Variants in SCFD2 observed in about 807,000 individuals in gnomAD.
SCFD2 encodes the protein sec1 family domain containing 2.
In SCFD2, 54 loss-of-function variants were observed where a neutral mutation model predicts 58.9. The observed-to-expected ratio is 0.92, with a 90% CI of 0.74 to 1.15. SCFD2 has a LOEUF of 1.15. Ranked by LOEUF, SCFD2 falls within the 50% of genes most tolerant of loss-of-function variation. The pLI is 0.00. For missense variants in SCFD2, 805 were observed against 836.6 expected, an observed-to-expected ratio of 0.96 and a Z score of 0.47; for synonymous variants, 321 against 335.9, an observed-to-expected ratio of 0.96 and a Z score of 0.49.
At chr4:52,874,220 G>C (rs1291176050) in intron 8 of SCFD2, among the ~76,000 whole-genome samples, 159 bp from the exon 9 acceptor site, 1 of 152,174 alleles carries the variant, frequency 6.6e-6, no homozygotes, top group African/African-American at 2.4e-5. Flanking sequence ...AATGGCACCT[G>C]GCGCTAGTGC....
At chr4:53,049,519 G>A (rs890298581) in intron 5 of SCFD2, among the ~76,000 whole-genome samples, 1 of 152,158 alleles carries the variant, frequency 6.6e-6, no homozygotes, top group African/African-American at 2.4e-5. Context: ...AGCTTACATA[G>A]CCGAAGTAGG....
chr4:53,170,984 T>C (rs1472814861), intron 4 of SCFD2, among the ~76,000 whole-genome samples: 1 of 152,228 alleles, frequency 6.6e-6, no homozygotes, highest in Non-Finnish European at 1.5e-5. Context: ...AGTGACAATT[T>C]CACTTTATTC....
chr4:53,222,231 G>A (rs895052711), intron 4 of SCFD2, among the ~76,000 whole-genome samples: 1 of 152,164 alleles, frequency 6.6e-6, no homozygotes, highest in African/African-American at 2.4e-5. Context: ...AAGCAGCAAT[G>A]ACTCAATGAC....
intron 5 of SCFD2, among the ~76,000 whole-genome samples, chr4:53,009,955 C>G (rs1722059512): frequency 3.3e-5 from 5 of 152,192 alleles, no homozygotes; most frequent in Admixed American, 1.3e-4. Context: ...CCTACCGGAG[C>G]TCTGTGCTCA....
At chr4:53,069,848 T>C (rs1196291792) in intron 5 of SCFD2, among the ~76,000 whole-genome samples, 1 of 152,074 alleles carries the variant, frequency 6.6e-6, no homozygotes, top group East Asian at 1.9e-4. Flanking sequence ...TTTTAAAAAC[T>C]ATATTAGACA....
At chr4:53,156,183 AC>A (rs1397724933) in intron 4 of SCFD2, among the ~76,000 whole-genome samples, 1 of 152,004 alleles carries the variant, frequency 6.6e-6, no homozygotes, top group Non-Finnish European at 1.5e-5. Context: ...GGAGTTCCAG[AC>A]CAGCCTGGCC....
At chr4:53,081,860 C>G (rs1368692259) in intron 5 of SCFD2, among the ~76,000 whole-genome samples, 1 of 152,140 alleles carries the variant, frequency 6.6e-6, no homozygotes, top group Non-Finnish European at 1.5e-5. Context: ...CACTCCAACC[C>G]TCCTCACTCT....
chr4:53,189,281 T>C (rs1213176041), intron 4 of SCFD2, among the ~76,000 whole-genome samples: 1 of 152,180 alleles, frequency 6.6e-6, no homozygotes, highest in Non-Finnish European at 1.5e-5. Flanking sequence ...GATAAACTAT[T>C]TTTAAAAGCT....
chr4:52,971,183 C>T (rs906884782), intron 5 of SCFD2, among the ~76,000 whole-genome samples: 2 of 152,120 alleles, frequency 1.3e-5, no homozygotes, highest in Admixed American at 1.3e-4. Context: ...CTTTGACGAG[C>T]TGAGAGAAGA....
intron 3 of SCFD2, among the ~76,000 whole-genome samples, chr4:53,275,104 T>G (rs1731287579): frequency 6.6e-6 from 1 of 152,194 alleles, no homozygotes; most frequent in African/African-American, 2.4e-5. Context: ...GGCAACTCCT[T>G]GAGGTAGAAA....
At chr4:52,985,101 C>T (rs1047033653) in intron 5 of SCFD2, among the ~76,000 whole-genome samples, 5 of 152,180 alleles carry the variant, frequency 3.3e-5, no homozygotes, top group African/African-American at 1.2e-4. Context: ...AAGCTTCAGA[C>T]AATTTAAGTT....
intron 4 of SCFD2, among the ~76,000 whole-genome samples, chr4:53,266,458 T>C (rs1157159552): frequency 6.6e-6 from 1 of 152,208 alleles, no homozygotes; most frequent in African/African-American, 2.4e-5. Flanking sequence ...TGTGTATTAA[T>C]ACACATGTAA....
At position 53,365,387 on chromosome 4, in the gene SCFD2, G is replaced by A; in HGVS notation, c.555C>T (p.His185=). 3 of 1,614,182 alleles carry A rather than the reference G, an allele frequency of 1.9e-6. No individual in the cohort carries two copies. Among genetic ancestry groups the A allele is most frequent in the African/African-American group, 1.3e-5 (1 of 75,044 alleles). Residue 185 remains histidine (H), a synonymous_variant, in exon 1 of 9, where the codon CAC becomes CAT. Coordinates refer to ENST00000401642, the MANE Select transcript of SCFD2 (RefSeq NM_152540.4). The surrounding 1 kb of genome is among the most constrained non-coding windows in gnomAD (Gnocchi z 4.3). ...TGTCCGGTCGGGCGCTATTAAGGAG[G>A]TGCACATCCTGGGGTAGCAGTGGGA... ...SLFPLLPQDV[H]LLNSARPDKR... is the part of the protein sequence containing the mutation.
At chr4:53,073,610 T>C (rs1404328631) in intron 5 of SCFD2, among the ~76,000 whole-genome samples, 1 of 152,122 alleles carries the variant, frequency 6.6e-6, no homozygotes, top group Non-Finnish European at 1.5e-5. Flanking sequence ...AGACTTTAGT[T>C]TCCCTGCCAA....
intron 4 of SCFD2, among the ~76,000 whole-genome samples, chr4:53,259,909 G>A (rs1730778427): frequency 6.7e-6 from 1 of 149,920 alleles, no homozygotes; most frequent in Admixed American, 6.6e-5. Flanking sequence ...GTGTTTTGTA[G>A]TTTACCTTGC....
intron 5 of SCFD2, chr4:52,956,156 C>G (rs1284765216): frequency 4.4e-6 from 2 of 456,546 alleles, no homozygotes; most frequent in Non-Finnish European, 8.8e-6. Flanking sequence ...GGAAGAAGCC[C>G]AAGACTACTG....
chr4:53,363,301 T>C (rs1444192279), intron 1 of SCFD2, among the ~76,000 whole-genome samples: 1 of 151,808 alleles, frequency 6.6e-6, no homozygotes, highest in Non-Finnish European at 1.5e-5. Context: ...GCTAGTTTTT[T>C]CATTTTTTAT....
chr4:52,957,852 T>A (rs1484692902), intron 5 of SCFD2: 3 of 152,198 alleles, frequency 2.0e-5, no homozygotes, highest in African/African-American at 7.2e-5. Flanking sequence ...CAGACCGAGG[T>A]TATACTTACA....
chr4:53,071,138 G>C (rs1723802557), intron 5 of SCFD2, among the ~76,000 whole-genome samples: 3 of 152,114 alleles, frequency 2.0e-5, no homozygotes, highest in African/African-American at 7.2e-5. Flanking sequence ...TGGAGCTTGA[G>C]CTGTCATGCT....
Sources: allele counts gnomAD v4.1 joint callset (sites outside exome capture counted in the v4.1 genomes callset), GRCh38; gene constraint gnomAD v4.1.1; non-coding constraint Gnocchi (gnomAD v3.1); transcripts MANE v1.5; gene names NCBI Gene and HGNC (gene_info 2026-07-23, HGNC 2026-07-21).